The following MPZL1 variants were observed in gnomAD, a reference collection of about 807,000 sequenced individuals.
MPZL1 encodes myelin protein zero-like protein 1.
MPZL1 carries 16 observed loss-of-function variants against 29.3 expected under a neutral mutation model. That is an observed-to-expected ratio of 0.55 (90% CI 0.37 to 0.83). The LOEUF (loss-of-function observed/expected upper bound fraction) is 0.83. MPZL1 is among the 40% of genes least tolerant of loss of function. MPZL1 has a pLI of 0.00. For missense variants in MPZL1, 279 were observed against 332.9 expected (o/e 0.84, Z 1.26); for synonymous variants, 143 against 132.0 (o/e 1.08, Z -0.57).
intron 1 of MPZL1, among the ~76,000 whole-genome samples, chr1:167,752,512 A>G (rs1660779129): frequency 6.6e-6 from 1 of 152,188 alleles, no homozygotes; most frequent in Admixed American, 6.5e-5. Context: ...GACTCATCCC[A>G]CTCAGAACTT....
intron 1 of MPZL1, among the ~76,000 whole-genome samples, chr1:167,750,749 A>G (rs1660739015): frequency 6.6e-6 from 1 of 152,240 alleles, no homozygotes; most frequent in Admixed American, 6.5e-5. Flanking sequence ...TATCTAATAT[A>G]TAGAGTTTAT....
At position 167,772,288 on chromosome 1, in the gene MPZL1, C is replaced by A. The variant is rs779365685; in HGVS notation, c.272C>A (p.Ser91Tyr). Reference protein sequence around the residue: ...ADTTVSFFHYSQGQVYLGNYP... With the variant: ...ADTTVSFFHYYQGQVYLGNYP... ...TTCTAATTGCAGTTTTTCCACTACT[C>A]CCAAGGGCAAGTGTACCTTGGGAAT... is the stretch of plus-strand genomic sequence containing the variant. The change falls in exon 3 of 6, where the codon TCC becomes TAC. Residue 91 changes from serine to tyrosine, a missense_variant. Transcript: ENST00000359523. The A allele has an allele frequency of 2.5e-6, 4 of 1,613,372 alleles. No homozygotes were observed. The Admixed American group carries it at 5.0e-5, about 20-fold the overall frequency.
At chr1:167,763,308 G>T (rs1342543272) in intron 1 of MPZL1, among the ~76,000 whole-genome samples, 1 of 152,100 alleles carries the variant, frequency 6.6e-6, no homozygotes, top group Non-Finnish European at 1.5e-5. Flanking sequence ...CTGAGGTCAG[G>T]AGTTCGAGAC....
chr1:167,786,018 C>T (rs979560084), intron 5 of MPZL1, among the ~76,000 whole-genome samples: 14 of 152,174 alleles, frequency 9.2e-5, no homozygotes, highest in African/African-American at 3.4e-4. Flanking sequence ...TGGTCTCGAT[C>T]TCCTGACCTC....
In MPZL1 at chr1:167,746,318, G is replaced by T. The variant is rs77405495; in HGVS notation, c.92-19265G>T. Among the ~76,000 whole-genome samples, 1,153 of 152,116 alleles carry T rather than the reference G, an allele frequency of 7.6e-3. 20 individuals carry two copies. The highest frequency in any genetic ancestry group is 0.027 in the African/African-American group (1,103 of 41,514). On this transcript the variant is annotated intron_variant, in intron 1 of 5. Transcript: ENST00000359523. ...GTAGGCTCTGGGATGAGATGAGAAT[G>T]ATAAACTGGCTGGAATGGTAACCTG...
intron 2 of MPZL1, among the ~76,000 whole-genome samples, chr1:167,768,739 C>T (rs992219151): frequency 2.0e-5 from 3 of 152,178 alleles, no homozygotes; most frequent in Admixed American, 2.0e-4. Context: ...ACATCTTATC[C>T]TCTGCCTTCA....
chr1:167,763,751 A>T (rs2101780563), intron 1 of MPZL1, among the ~76,000 whole-genome samples: 1 of 152,276 alleles, frequency 6.6e-6, no homozygotes, highest in African/African-American at 2.4e-5. Context: ...AATAGCAAGG[A>T]ACTCTTTTGT....
At chr1:167,786,317 G>A (rs1317890131) in intron 5 of MPZL1, among the ~76,000 whole-genome samples, 2 of 152,112 alleles carry the variant, frequency 1.3e-5, no homozygotes, top group South Asian at 2.1e-4. Context: ...GTAACAAGAC[G>A]TTCATAATAA....
intron 5 of MPZL1, among the ~76,000 whole-genome samples, chr1:167,776,450 AAT>A (rs1393400072): frequency 6.6e-6 from 1 of 152,208 alleles, no homozygotes; most frequent in Admixed American, 6.5e-5. Flanking sequence ...AGAATTAGGA[AAT>A]GGCTTTGTCA....
At chr1:167,775,972 A>G in intron 4 of MPZL1, 92 bp from the exon 5 acceptor site, 1 of 773,036 alleles carries the variant, frequency 1.3e-6, no homozygotes. Context: ...CTGTTGCTTC[A>G]TCTTGCCGTC....
At chr1:167,782,465 T>C (rs935541847) in intron 5 of MPZL1, among the ~76,000 whole-genome samples, 2 of 152,222 alleles carry the variant, frequency 1.3e-5, no homozygotes, top group African/African-American at 4.8e-5. Context: ...TACAAATTGA[T>C]TGAGTCTTCA....
At chr1:167,771,907 C>T (rs1414314614) in intron 2 of MPZL1, among the ~76,000 whole-genome samples, 1 of 152,136 alleles carries the variant, frequency 6.6e-6, no homozygotes, top group Admixed American at 6.5e-5. Context: ...GCAGAACACT[C>T]CAGGTCAGGA....
chr1:167,742,333 C>G (rs1338171028), intron 1 of MPZL1, among the ~76,000 whole-genome samples: 1 of 151,936 alleles, frequency 6.6e-6, no homozygotes, highest in Non-Finnish European at 1.5e-5. Flanking sequence ...TTCTTGTTTT[C>G]CATAATATCA....
intron 1 of MPZL1, among the ~76,000 whole-genome samples, chr1:167,757,989 A>T (rs948695193): frequency 1.3e-5 from 2 of 151,636 alleles, no homozygotes; most frequent in African/African-American, 2.4e-5. Context: ...GTCTCTACTT[A>T]AAAAAAATAG....
intron 5 of MPZL1, among the ~76,000 whole-genome samples, chr1:167,778,591 A>G (rs1386295291): frequency 2.6e-5 from 4 of 151,870 alleles, no homozygotes; most frequent in Admixed American, 2.0e-4. Context: ...TAATAATTTA[A>G]TAATTAATTA....
chr1:167,751,970 C>T (rs570283502), intron 1 of MPZL1, among the ~76,000 whole-genome samples: 1 of 152,238 alleles, frequency 6.6e-6, no homozygotes, highest in Admixed American at 6.5e-5. Flanking sequence ...ATCTTTACAA[C>T]TCAACCAAAA....
At chr1:167,751,444 C>T (rs557181080) in intron 1 of MPZL1, among the ~76,000 whole-genome samples, 1 of 151,774 alleles carries the variant, frequency 6.6e-6, no homozygotes, top group Non-Finnish European at 1.5e-5. Context: ...CTGAGGTGGG[C>T]GGATCACTTG....
intron 3 of MPZL1, among the ~76,000 whole-genome samples, chr1:167,772,757 G>T (rs1661279392): frequency 6.6e-6 from 1 of 152,164 alleles, no homozygotes; most frequent in East Asian, 1.9e-4. Context: ...GAATTTTTCA[G>T]TGTTAATTAG....
intron 1 of MPZL1, among the ~76,000 whole-genome samples, chr1:167,756,950 G>A (rs1290552717): frequency 6.6e-6 from 1 of 152,110 alleles, no homozygotes; most frequent in African/African-American, 2.4e-5. Context: ...ACGCTAGGAG[G>A]AAGTCCCTTG....
Sources: allele counts gnomAD v4.1 joint callset (sites outside exome capture counted in the v4.1 genomes callset), GRCh38; gene constraint gnomAD v4.1.1; transcripts MANE v1.5; gene names NCBI Gene and HGNC (gene_info 2026-07-23, HGNC 2026-07-21).